Variants in BATF3 observed in about 807,000 individuals in gnomAD.
BATF3 encodes basic leucine zipper ATF-like transcription factor 3, also known as basic leucine zipper transcriptional factor ATF-like 3.
In BATF3, 8 loss-of-function variants were observed where a neutral mutation model predicts 16.1. The observed-to-expected ratio is 0.50, with a 90% CI of 0.29 to 0.90. The LOEUF (loss-of-function observed/expected upper bound fraction) is 0.90. Ranked by LOEUF, BATF3 falls within the 40% of genes least tolerant of loss-of-function variation. The pLI is 0.08. For synonymous variants in BATF3, 74 were observed against 72.7 expected, an observed-to-expected ratio of 1.02 and a Z score of -0.09; for missense variants, 139 against 167.0, an observed-to-expected ratio of 0.83 and a Z score of 0.92.
At position 212,686,734 on chromosome 1, in the gene BATF3, C is replaced by T; in HGVS notation, c.*57G>A. 6.4e-7 allele frequency: 1 copy of T among 1,556,866 alleles called. No homozygotes were observed. The highest frequency in any genetic ancestry group is 8.7e-7 in the Non-Finnish European group (1 of 1,151,428). On this transcript the variant is annotated 3_prime_UTR_variant, in exon 3 of 3. Transcript: ENST00000243440. ...TATACAATTGTGAAGGAAAAGCCTT[C>T]CTCCCAGGTATGAAAATGACCAAGG...
intron 2 of BATF3, among the ~76,000 whole-genome samples, chr1:212,687,316 C>T (rs1298676253): frequency 6.6e-6 from 1 of 152,236 alleles, no homozygotes; most frequent in Admixed American, 6.5e-5. Context: ...TTAGTCCCCC[C>T]AAATGCTGAT....
intron 2 of BATF3, among the ~76,000 whole-genome samples, chr1:212,692,250 C>A (rs148145131): frequency 1.9e-3 from 296 of 152,206 alleles, no homozygotes; most frequent in African/African-American, 6.7e-3. Context: ...GTGTTGGAGG[C>A]AACAGAGGCT....
chr1:212,690,960 C>A (rs746427354), intron 2 of BATF3, among the ~76,000 whole-genome samples: 46 of 152,176 alleles, frequency 3.0e-4, no homozygotes, highest in Non-Finnish European at 5.1e-4. Context: ...CGCAGCTGGT[C>A]GGGGGTGCTA....
chr1:212,696,912 G>T, intron 2 of BATF3, 49 bp downstream of exon 2: 1 of 1,415,072 alleles, frequency 7.1e-7, no homozygotes, highest in Non-Finnish European at 1.0e-6. Context: ...TCCCGTGCAA[G>T]GCAGAGGCTG....
At chr1:212,693,869 C>T (rs1571835145) in intron 2 of BATF3, among the ~76,000 whole-genome samples, 1 of 152,166 alleles carries the variant, frequency 6.6e-6, no homozygotes, top group Admixed American at 6.5e-5. Context: ...GCAGCATAAT[C>T]GATTCACTCC....
intron 2 of BATF3, 137 bp downstream of exon 2, chr1:212,696,824 C>T: frequency 1.5e-6 from 1 of 675,710 alleles, no homozygotes; most frequent in Non-Finnish European, 2.6e-6. Context: ...AGTGAGAACA[C>T]TGGGCTGGAA....
At position 212,699,604 on chromosome 1, in the gene BATF3, A is replaced by T; in HGVS notation, c.90+69T>A. The T allele has an allele frequency of 8.3e-7, 1 of 1,203,780 alleles. No individual in the cohort carries two copies. Among genetic ancestry groups the T allele is most frequent in the East Asian group, 3.2e-5 (1 of 30,846 alleles). 74.6% of individuals were successfully genotyped at this position (1,203,780 alleles called of 1,614,324 possible). ...TCACCACCACGGAACTCCAGCACCC[A>T]CCTCCTCGCCCCCCGCGGCGCGCCG... On this transcript the variant is annotated intron_variant, in intron 1 of 2. Transcript: ENST00000243440. This position sits in a 1 kb window ranked among gnomAD's most constrained non-coding sequence, Gnocchi z 4.4.
intron 2 of BATF3, among the ~76,000 whole-genome samples, chr1:212,690,756 G>C (rs1656982232): frequency 6.6e-6 from 1 of 152,214 alleles, no homozygotes; most frequent in Non-Finnish European, 1.5e-5. Flanking sequence ...GAGGGTTTGA[G>C]GTTGCTGTGC....
chr1:212,696,392 C>G (rs980946272), intron 2 of BATF3, among the ~76,000 whole-genome samples: 1 of 151,722 alleles, frequency 6.6e-6, no homozygotes, highest in African/African-American at 2.4e-5. Context: ...TGCCAGGGCA[C>G]TGATGGCTGC....
chr1:212,698,239 T>C (rs1346481113), intron 1 of BATF3: 1 of 152,258 alleles, frequency 6.6e-6, no homozygotes, highest in Non-Finnish European at 1.5e-5. Context: ...GAACATGTGG[T>C]TAGAAGACAG....
At chr1:212,687,988 AAAGAAAGAAAGGAAGGAAGGAAGGAAGG>A (rs748031439) in intron 2 of BATF3, among the ~76,000 whole-genome samples, 12 of 119,746 alleles carry the variant, frequency 1.0e-4, no homozygotes, top group Non-Finnish European at 2.0e-4. Context: ...AGAAAGAAAG[AAAGAAAGAAAGGAAGGAAGGAAGGAAGG>A]AAGGAAGGAA....
Position 212,689,788 on chromosome 1 carries a change from C to T in BATF3, c.196-2809G>A, listed in dbSNP as rs1360047159. ...ACTCACACACGTCCGCAAACACACT[C>T]ACACACTCTCATACACAGCCCGACA... On this transcript the variant is annotated intron_variant, in intron 2 of 2. Transcript: ENST00000243440. This position sits in a 1 kb window ranked among gnomAD's most constrained non-coding sequence, Gnocchi z 4.6. Among the ~76,000 whole-genome samples the T allele has an allele frequency of 6.6e-6, 1 of 151,418 alleles. No individual in the cohort carries two copies. The highest frequency in any genetic ancestry group is 2.4e-5 in the African/African-American group (1 of 41,150).
intron 1 of BATF3, chr1:212,697,321 C>G (rs990223485): frequency 5.5e-6 from 2 of 362,474 alleles, no homozygotes; most frequent in African/African-American, 4.2e-5. Flanking sequence ...GGACCTTGCT[C>G]CAGGTATTAC....
chr1:212,698,983 T>C (rs1226106498), intron 1 of BATF3, among the ~76,000 whole-genome samples: 1 of 152,134 alleles, frequency 6.6e-6, no homozygotes, highest in Admixed American at 6.5e-5. Flanking sequence ...CCTGATGACA[T>C]GGGCCGGGCG....
chr1:212,689,138 G>C lies in BATF3; in HGVS notation c.196-2159C>G, dbSNP rs79386729. Among the ~76,000 whole-genome samples, 1 of 152,180 alleles carries C rather than the reference G, an allele frequency of 6.6e-6. No individual in the cohort carries two copies. The highest frequency in any genetic ancestry group is 1.5e-5 in the Non-Finnish European group (1 of 68,000). ...TCATATTCAATTTCACTCATATGAAGTAATGTCTCCCCCCAAAGATCAGAA... is the reference window on the plus strand; with the variant it reads ...TCATATTCAATTTCACTCATATGAACTAATGTCTCCCCCCAAAGATCAGAA... On this transcript the variant is annotated intron_variant, in intron 2 of 2. Coordinates refer to ENST00000243440, the MANE Select transcript of BATF3 (RefSeq NM_018664.3). The surrounding 1 kb of genome is among the most constrained non-coding windows in gnomAD (Gnocchi z 4.6).
chr1:212,686,462 A>G lies in BATF3; in HGVS notation c.*329T>C. 1 of 276,424 alleles carries G rather than the reference A, an allele frequency of 3.6e-6. No homozygotes were observed. The allele number at this position is 276,424 out of a possible 1,614,324, so 17.1% of individuals were successfully genotyped here. On this transcript the variant is annotated 3_prime_UTR_variant, in exon 3 of 3. Transcript: ENST00000243440. ...TGTGCCTGTAAATTCCCAGAACTGG[A>G]GAAGGGAGAGACAATAAGCATCTTT...
intron 2 of BATF3, among the ~76,000 whole-genome samples, chr1:212,695,650 C>T (rs1015725944): frequency 6.6e-6 from 1 of 151,948 alleles, no homozygotes; most frequent in African/African-American, 2.4e-5. Context: ...CTCAAAAAGA[C>T]AAGAAAGTAT....
chr1:212,698,729 C>T (rs1657188728), intron 1 of BATF3: 2 of 152,264 alleles, frequency 1.3e-5, no homozygotes, highest in Admixed American at 1.3e-4. Flanking sequence ...CATGATCACA[C>T]CTGCCAACCC....
rs1310652394 is a variant in BATF3, at chr1:212,686,730, C to T, written c.*61G>A. ...CCTGTATACAATTGTGAAGGAAAAG[C>T]CTTCCTCCCAGGTATGAAAATGACC... On this transcript the variant is annotated 3_prime_UTR_variant, in exon 3 of 3. Transcript: ENST00000243440. The T allele has an allele frequency of 1.3e-6, 2 of 1,547,132 alleles. No individual in the cohort carries two copies. Among genetic ancestry groups the T allele is most frequent in the Admixed American group, 3.8e-5 (2 of 52,734 alleles).
Sources: allele counts gnomAD v4.1 joint callset (sites outside exome capture counted in the v4.1 genomes callset), GRCh38; gene constraint gnomAD v4.1.1; non-coding constraint Gnocchi (gnomAD v3.1); transcripts MANE v1.5; gene names NCBI Gene and HGNC (gene_info 2026-07-23, HGNC 2026-07-21).